The following PDE3A variants were observed in gnomAD, a reference collection of about 807,000 sequenced individuals.
The protein encoded by PDE3A is phosphodiesterase 3A.
A neutral mutation model predicts 98.3 loss-of-function variants in PDE3A; 43 were observed. That is an observed-to-expected ratio of 0.44 (90% CI 0.34 to 0.56). The LOEUF is 0.56. Among genes scored for constraint, PDE3A ranks in the 20% least tolerant of loss-of-function variants. The pLI, the probability that PDE3A is intolerant of heterozygous loss-of-function variation, is 0.01. For synonymous variants in PDE3A, 663 were observed against 567.9 expected, an observed-to-expected ratio of 1.17 and a Z score of -2.38; for missense variants, 1,427 against 1,440.7, an observed-to-expected ratio of 0.99 and a Z score of 0.15.
At chr12:20,661,414 G>A (rs950838085) in intron 15 of PDE3A, among the ~76,000 whole-genome samples, 8 of 152,174 alleles carry the variant, frequency 5.3e-5, no homozygotes, top group Admixed American at 2.6e-4. Flanking sequence ...AAGTAATGAG[G>A]AGCCAACTGT....
chr12:20,381,685 A>G (rs1166749731), intron 1 of PDE3A, among the ~76,000 whole-genome samples: 1 of 151,814 alleles, frequency 6.6e-6, no homozygotes, highest in Non-Finnish European at 1.5e-5. Context: ...CACATTTATC[A>G]TTTTCACTTA....
At chr12:20,647,371 T>G (rs563676613) in intron 12 of PDE3A, among the ~76,000 whole-genome samples, 11 of 152,186 alleles carry the variant, frequency 7.2e-5, no homozygotes, top group African/African-American at 2.7e-4. Flanking sequence ...ATGATTCTTA[T>G]GACATTATCT....
At chr12:20,446,116 C>G (rs1292408703) in intron 1 of PDE3A, among the ~76,000 whole-genome samples, 2 of 152,244 alleles carry the variant, frequency 1.3e-5, no homozygotes, top group East Asian at 3.9e-4. Flanking sequence ...CCCCAACGTG[C>G]CTGAAATGAA....
Position 20,680,230 on chromosome 12 carries a change from C to A in PDE3A, c.3385C>A (p.Pro1129Thr). ...GGAAGAAGAAGAAGAGAAAGGGAAACCAAGAGGCGAGGAGATACCAACCCA... is the reference window on the plus strand; with the variant it reads ...GGAAGAAGAAGAAGAGAAAGGGAAAACAAGAGGCGAGGAGATACCAACCCA... ...IKEEEEEKGK[P>T]RGEEIPTQKP... Residue 1129 changes from proline to threonine, a missense_variant, in exon 16 of 16, where the codon CCA (proline) becomes ACA (threonine). By Grantham distance (38) the Pro-to-Thr change is conservative (BLOSUM62 -1). Coordinates refer to ENST00000359062, the MANE Select transcript of PDE3A (RefSeq NM_000921.5). 6.2e-7 allele frequency: 1 copy of A among 1,613,928 alleles called. No homozygotes were observed. Among genetic ancestry groups the A allele is most frequent in the South Asian group, 1.1e-5 (1 of 91,072 alleles).
At chr12:20,437,203 A>G (rs947795118) in intron 1 of PDE3A, among the ~76,000 whole-genome samples, 8 of 152,182 alleles carry the variant, frequency 5.3e-5, no homozygotes, top group African/African-American at 1.9e-4. Flanking sequence ...TGGATGGCTC[A>G]TGACAAAAAT....
intron 1 of PDE3A, among the ~76,000 whole-genome samples, chr12:20,387,329 A>G (rs1943830808): frequency 6.6e-6 from 1 of 152,064 alleles, no homozygotes; most frequent in Non-Finnish European, 1.5e-5. Context: ...TGGTAGTTTA[A>G]TGGGAATAGC....
At chr12:20,397,372 A>G (rs1368462261) in intron 1 of PDE3A, among the ~76,000 whole-genome samples, 2 of 152,032 alleles carry the variant, frequency 1.3e-5, no homozygotes, top group East Asian at 3.9e-4. Context: ...TTGCCAGAAG[A>G]AGGAAGTTGG....
chr12:20,377,256 A>G (rs1360458056), intron 1 of PDE3A, among the ~76,000 whole-genome samples: 1 of 151,852 alleles, frequency 6.6e-6, no homozygotes, highest in African/African-American at 2.4e-5. Context: ...GAAATACAAC[A>G]CAAGCCATAC....
chr12:20,508,593 C>A (rs546534094), intron 1 of PDE3A, among the ~76,000 whole-genome samples: 2 of 151,848 alleles, frequency 1.3e-5, no homozygotes, highest in South Asian at 2.1e-4. Context: ...TAAAAGGAAT[C>A]CATTTAGACG....
Position 20,647,430 on chromosome 12 carries a change from TA to T in PDE3A, c.2565+481del, listed in dbSNP as rs1555105885. ...CAATTTATTTCATTGGAGGATTTTT[TA>T]TTTTTTTTGCCTAAACATAGATTCC... On this transcript the variant is annotated intron_variant, in intron 12 of 15. Transcript: ENST00000359062. Among the ~76,000 whole-genome samples, 6 of 29,552 alleles carry T rather than the reference TA, an allele frequency of 2.0e-4. No individual in the cohort carries two copies. In the South Asian group the frequency reaches 0.015, roughly 74 times the overall value. The allele number at this position is 29,552 out of a possible 152,430, so 19.4% of individuals were successfully genotyped here.
chr12:20,675,571 T>C (rs1945614034), intron 15 of PDE3A, among the ~76,000 whole-genome samples: 1 of 152,218 alleles, frequency 6.6e-6, no homozygotes, highest in South Asian at 2.1e-4. Flanking sequence ...AATGTTTGCT[T>C]TGCATATATC....
intron 1 of PDE3A, among the ~76,000 whole-genome samples, chr12:20,526,419 A>C (rs1345094152): frequency 6.6e-6 from 1 of 152,182 alleles, no homozygotes; most frequent in Non-Finnish European, 1.5e-5. Flanking sequence ...TCTGGGATCT[A>C]AAAACTCACT....
intron 1 of PDE3A, among the ~76,000 whole-genome samples, chr12:20,488,086 A>G (rs1266463561): frequency 6.6e-6 from 1 of 152,136 alleles, no homozygotes; most frequent in Non-Finnish European, 1.5e-5. Context: ...AACACTTAAA[A>G]CCAAATAAAA....
chr12:20,576,384 A>T (rs1942933167), intron 2 of PDE3A, among the ~76,000 whole-genome samples: 1 of 152,072 alleles, frequency 6.6e-6, no homozygotes, highest in African/African-American at 2.4e-5. Context: ...TTCATATGTT[A>T]CAATTTTTAT....
At chr12:20,597,137 G>C (rs915964418) in intron 2 of PDE3A, among the ~76,000 whole-genome samples, 1 of 152,206 alleles carries the variant, frequency 6.6e-6, no homozygotes, top group South Asian at 2.1e-4. Context: ...CTCTTGAGTT[G>C]CATCTTAGAA....
intron 1 of PDE3A, among the ~76,000 whole-genome samples, chr12:20,381,633 A>G (rs895249961): frequency 2.6e-5 from 4 of 151,866 alleles, no homozygotes; most frequent in African/African-American, 9.7e-5. Context: ...CCTGACATTC[A>G]TTAGTTTCCA....
chr12:20,588,164 G>A (rs117767779), intron 2 of PDE3A, among the ~76,000 whole-genome samples: 23 of 152,250 alleles, frequency 1.5e-4, no homozygotes, highest in African/African-American at 2.2e-4. Context: ...GCCTGCTGAC[G>A]TCAACGAAAT....
At chr12:20,377,533 A>G (rs61078253) in intron 1 of PDE3A, among the ~76,000 whole-genome samples, 7,748 of 151,824 alleles carry the variant, frequency 0.051, 270 homozygotes, top group African/African-American at 0.1. Context: ...GTGCAGCTCT[A>G]TATTTTTAAA....
intron 1 of PDE3A, among the ~76,000 whole-genome samples, chr12:20,429,272 T>C (rs1423720715): frequency 6.6e-6 from 1 of 152,170 alleles, no homozygotes; most frequent in African/African-American, 2.4e-5. Flanking sequence ...GTTCTAGTGA[T>C]AAATAGAGGT....
Sources: allele counts gnomAD v4.1 joint callset (sites outside exome capture counted in the v4.1 genomes callset), GRCh38; gene constraint gnomAD v4.1.1; transcripts MANE v1.5; gene names NCBI Gene and HGNC (gene_info 2026-07-23, HGNC 2026-07-21).